The following B3GALT1 variants were observed in gnomAD, a reference collection of about 807,000 sequenced individuals.
B3GALT1 encodes the protein UDP-Gal:betaGlcNAc beta 1,3-galactosyltransferase, polypeptide 1.
Under a neutral mutation model 23.2 loss-of-function variants are expected in B3GALT1, and 10 were observed. The observed-to-expected ratio is 0.43, with a 90% CI of 0.27 to 0.73. The LOEUF is 0.73. B3GALT1 is among the 30% of genes least tolerant of loss of function. The pLI, the probability that B3GALT1 is intolerant of heterozygous loss-of-function variation, is 0.21. For synonymous variants in B3GALT1, 156 were observed against 141.5 expected, an observed-to-expected ratio of 1.10 and a Z score of -0.73; for missense variants, 299 against 405.4, an observed-to-expected ratio of 0.74 and a Z score of 2.25.
At chr2:167,680,502 C>G (rs1358006960) in intron 3 of B3GALT1, among the ~76,000 whole-genome samples, 1 of 90,888 alleles carries the variant, frequency 1.1e-5, no homozygotes, top group Non-Finnish European at 2.8e-5. Context: ...GGCAGCCTTT[C>G]TAATGACCAA....
intron 3 of B3GALT1, among the ~76,000 whole-genome samples, chr2:167,651,202 A>G (rs368420051): frequency 6.7e-6 from 1 of 150,020 alleles, no homozygotes; most frequent in African/African-American, 2.5e-5. Flanking sequence ...CCTTTGTATG[A>G]GTATCCAGAT....
intron 1 of B3GALT1, among the ~76,000 whole-genome samples, chr2:167,466,007 T>A (rs942819671): frequency 2.0e-5 from 3 of 152,166 alleles, no homozygotes; most frequent in African/African-American, 7.2e-5. Context: ...CAGTCACAGG[T>A]TTTGCTTAAA....
intron 4 of B3GALT1, among the ~76,000 whole-genome samples, chr2:167,824,917 T>TAG (rs1218532859): frequency 1.3e-5 from 2 of 152,106 alleles, no homozygotes; most frequent in Admixed American, 1.3e-4. Context: ...TGGAGATCCA[T>TAG]AGAGAGAGAT....
intron 3 of B3GALT1, among the ~76,000 whole-genome samples, chr2:167,667,121 C>T (rs1345134159): frequency 2.0e-5 from 3 of 152,052 alleles, no homozygotes; most frequent in Admixed American, 6.5e-5. Flanking sequence ...GCACTTCCTT[C>T]AGGAGCTCTT....
chr2:167,489,724 T>C (rs1460527743), intron 1 of B3GALT1, among the ~76,000 whole-genome samples: 1 of 152,058 alleles, frequency 6.6e-6, no homozygotes, highest in African/African-American at 2.4e-5. Context: ...AGGAACCAAA[T>C]GTGTTAGTTT....
Position 167,304,672 on chromosome 2 carries a change from AGAGACAGAAAGAGG to A in B3GALT1, c.-511+11343_-511+11356del, listed in dbSNP as rs112443151. Among the ~76,000 whole-genome samples, 309 of 152,142 alleles carry A rather than the reference AGAGACAGAAAGAGG, an allele frequency of 2.0e-3. 2 individuals are homozygous for A. Among genetic ancestry groups the A allele is most frequent in the African/African-American group, 7.1e-3 (297 of 41,540 alleles). ...AGGAGAGAGAGAGAGACAGAGACAGAGAGACAGAAAGAGGGAGAGACTATAAGAATTGGCTCAGG... is the reference window on the plus strand; with the variant it reads ...AGGAGAGAGAGAGAGACAGAGACAGAGAGAGACTATAAGAATTGGCTCAGG... On this transcript the variant is annotated intron_variant, in intron 1 of 4. Coordinates refer to ENST00000392690, the MANE Select transcript of B3GALT1 (RefSeq NM_020981.4).
chr2:167,745,048 C>CT (rs565586254), intron 3 of B3GALT1, among the ~76,000 whole-genome samples: 10 of 151,188 alleles, frequency 6.6e-5, no homozygotes, highest in Non-Finnish European at 1.2e-4. Context: ...TTCTCTGCCT[C>CT]TTTTTTTTTC....
intron 1 of B3GALT1, among the ~76,000 whole-genome samples, chr2:167,340,002 G>A (rs1417929870): frequency 6.6e-6 from 1 of 152,134 alleles, no homozygotes; most frequent in African/African-American, 2.4e-5. Flanking sequence ...TCAAATGCAT[G>A]TACATTTTTC....
chr2:167,506,019 C>A (rs1031779835), intron 2 of B3GALT1, among the ~76,000 whole-genome samples: 3 of 152,054 alleles, frequency 2.0e-5, no homozygotes, highest in African/African-American at 7.2e-5. Context: ...AAGATCGTGC[C>A]ACTGCACTCC....
At chr2:167,808,090 T>G (rs1688796862) in intron 3 of B3GALT1, among the ~76,000 whole-genome samples, 1 of 151,854 alleles carries the variant, frequency 6.6e-6, no homozygotes, top group African/African-American at 2.4e-5. Flanking sequence ...CTTTGTTGGT[T>G]TAAAGTCTGT....
intron 1 of B3GALT1, among the ~76,000 whole-genome samples, chr2:167,359,329 C>T (rs13404088): frequency 1.3e-5 from 2 of 152,112 alleles, no homozygotes; most frequent in Non-Finnish European, 1.5e-5. Flanking sequence ...TTAACACACT[C>T]CCTAAATACA....
chr2:167,669,567 T>A (rs1574202958), intron 3 of B3GALT1, among the ~76,000 whole-genome samples: 1 of 139,584 alleles, frequency 7.2e-6, no homozygotes, highest in Non-Finnish European at 1.7e-5. Context: ...TATAGGAAAA[T>A]ATCAATCATT....
intron 1 of B3GALT1, among the ~76,000 whole-genome samples, chr2:167,430,094 G>C (rs1176749345): frequency 6.6e-6 from 1 of 152,158 alleles, no homozygotes; most frequent in South Asian, 2.1e-4. Flanking sequence ...TCAGAAATGA[G>C]GATAAACAGT....
In B3GALT1 at chr2:167,659,348, T is replaced by C. The variant is rs78700561; in HGVS notation, c.-352+12382T>C. Among the ~76,000 whole-genome samples the C allele has an allele frequency of 4.2e-4, 64 of 152,188 alleles. No individual in the cohort carries two copies. In the East Asian group the frequency reaches 0.011, roughly 27 times the overall value. ...TGGCTCCACATTGCAGTGCAAGTAC[T>C]ACGGGGTAGTTCAATATTTATTATT... On this transcript the variant is annotated intron_variant, in intron 3 of 4. Transcript: ENST00000392690.
intron 3 of B3GALT1, among the ~76,000 whole-genome samples, chr2:167,686,953 A>G (rs1226748896): frequency 1.3e-5 from 2 of 152,172 alleles, no homozygotes; most frequent in Non-Finnish European, 1.5e-5. Context: ...CCACATCCAG[A>G]GAGACATTTC....
At chr2:167,452,698 C>T (rs1699108572) in intron 1 of B3GALT1, among the ~76,000 whole-genome samples, 1 of 152,166 alleles carries the variant, frequency 6.6e-6, no homozygotes, top group African/African-American at 2.4e-5. Context: ...TGGGAGCTGC[C>T]ATTTAGTCCT....
intron 3 of B3GALT1, among the ~76,000 whole-genome samples, chr2:167,647,227 G>A (rs1404579170): frequency 6.6e-6 from 1 of 152,152 alleles, no homozygotes; most frequent in Admixed American, 6.5e-5. Flanking sequence ...CCAGATGCAT[G>A]TATGCACAAA....
intron 2 of B3GALT1, among the ~76,000 whole-genome samples, chr2:167,522,106 C>T (rs1169946434): frequency 1.3e-5 from 2 of 150,388 alleles, no homozygotes; most frequent in Non-Finnish European, 3.0e-5. Flanking sequence ...GGCCATTAGA[C>T]CACAAAAATT....
intron 2 of B3GALT1, among the ~76,000 whole-genome samples, chr2:167,531,297 G>A (rs189486074): frequency 6.6e-6 from 1 of 152,246 alleles, no homozygotes; most frequent in African/African-American, 2.4e-5. Flanking sequence ...GGTGGAGTTG[G>A]CAGGGGAAAA....
Sources: allele counts gnomAD v4.1 joint callset (sites outside exome capture counted in the v4.1 genomes callset), GRCh38; gene constraint gnomAD v4.1.1; transcripts MANE v1.5; gene names NCBI Gene and HGNC (gene_info 2026-07-23, HGNC 2026-07-21).